Variants in QTMAN observed in about 807,000 individuals in gnomAD.
QTMAN encodes queuosine-tRNA mannosyltransferase.
the QTMAN span, among the ~76,000 whole-genome samples, chr2:144,272,912 G>A: frequency 2.1e-4 from 32 of 152,154 alleles, no homozygotes; most frequent in East Asian, 5.4e-3. Context: ...ACAGAAAGCC[G>A]CATATTTTTT....
At chr2:144,183,715 C>T in the QTMAN span, among the ~76,000 whole-genome samples, 1 of 152,140 alleles carries the variant, frequency 6.6e-6, no homozygotes, top group African/African-American at 2.4e-5. Context: ...AACTTTCTTA[C>T]ATTACATGGC....
chr2:144,228,583 A>G, the QTMAN span, among the ~76,000 whole-genome samples: 2 of 152,176 alleles, frequency 1.3e-5, no homozygotes, highest in Non-Finnish European at 2.9e-5. Flanking sequence ...GAATGGGGGG[A>G]GAGAAAACGG....
the QTMAN span, among the ~76,000 whole-genome samples, chr2:144,101,968 T>C: frequency 3.9e-5 from 6 of 152,220 alleles, no homozygotes; most frequent in African/African-American, 1.2e-4. Context: ...CTACCATATG[T>C]GAAGCACCTT....
chr2:144,115,385 C>T, the QTMAN span, among the ~76,000 whole-genome samples: 2 of 152,156 alleles, frequency 1.3e-5, no homozygotes, highest in African/African-American at 4.8e-5. Flanking sequence ...GAAAGTTGGC[C>T]AATCTTGATT....
At chr2:143,971,386 G>A in the QTMAN span, among the ~76,000 whole-genome samples, 1 of 152,108 alleles carries the variant, frequency 6.6e-6, no homozygotes, top group African/African-American at 2.4e-5. Flanking sequence ...ATTAACTTAG[G>A]AGTGGAGTTA....
chr2:144,187,345 C>G, the QTMAN span, among the ~76,000 whole-genome samples: 1 of 152,172 alleles, frequency 6.6e-6, no homozygotes, highest in African/African-American at 2.4e-5. Context: ...AGCATCCTGG[C>G]CTTTTAACAA....
At chr2:144,080,794 A>G in the QTMAN span, among the ~76,000 whole-genome samples, 2 of 152,312 alleles carry the variant, frequency 1.3e-5, no homozygotes, top group South Asian at 4.1e-4. Flanking sequence ...CTCTGAATAT[A>G]TATGTGTGAA....
chr2:144,283,506 T>C, the QTMAN span, among the ~76,000 whole-genome samples: 167 of 152,328 alleles, frequency 1.1e-3, 4 homozygotes, highest in East Asian at 0.028. Context: ...GTATTGTACT[T>C]TTCTGTGAAT....
At chr2:144,029,835 C>T in the QTMAN span, among the ~76,000 whole-genome samples, 1 of 151,764 alleles carries the variant, frequency 6.6e-6, no homozygotes, top group African/African-American at 2.4e-5. Flanking sequence ...ATATTATCTT[C>T]CTAATGTGTT....
chr2:144,303,170 T>C, the QTMAN span, among the ~76,000 whole-genome samples: 3 of 152,070 alleles, frequency 2.0e-5, no homozygotes, highest in African/African-American at 7.2e-5. Context: ...ATGGTGAAGC[T>C]TTTCACAGAG....
chr2:144,114,701 A>ACAAAG, the QTMAN span, among the ~76,000 whole-genome samples: 5 of 151,494 alleles, frequency 3.3e-5, no homozygotes, highest in Non-Finnish European at 5.9e-5. Flanking sequence ...ACAAAACAAA[A>ACAAAG]CAAAACAAAA....
the QTMAN span, among the ~76,000 whole-genome samples, chr2:144,268,158 C>T: frequency 3.3e-5 from 5 of 151,894 alleles, no homozygotes; most frequent in Admixed American, 3.3e-4. Context: ...CTATAAATTC[C>T]CCACAAGAAC....
At chr2:144,313,797 T>A in the QTMAN span, among the ~76,000 whole-genome samples, 8 of 151,504 alleles carry the variant, frequency 5.3e-5, no homozygotes, top group Admixed American at 5.2e-4. Context: ...TTTAAATAGA[T>A]ATATCTTTAA....
the QTMAN span, among the ~76,000 whole-genome samples, chr2:143,950,349 A>C: frequency 6.6e-6 from 1 of 151,858 alleles, no homozygotes; most frequent in South Asian, 2.1e-4. Flanking sequence ...TAAAATAAAT[A>C]ATTATAGCTA....
At chr2:143,951,232 G>C in the QTMAN span, among the ~76,000 whole-genome samples, 1 of 151,358 alleles carries the variant, frequency 6.6e-6, no homozygotes, top group Non-Finnish European at 1.5e-5. Flanking sequence ...AATATAAAAA[G>C]GTATATTACT....
At chr2:144,101,398 A>T in the QTMAN span, among the ~76,000 whole-genome samples, 15,516 of 147,332 alleles carry the variant, frequency 0.11, 1,202 homozygotes, top group East Asian at 0.25. Flanking sequence ...TCTCTCTCAC[A>T]CACACACACA....
the QTMAN span, among the ~76,000 whole-genome samples, chr2:144,291,512 T>C: frequency 6.6e-6 from 1 of 152,250 alleles, no homozygotes; most frequent in African/African-American, 2.4e-5. Context: ...TGTGCTCATA[T>C]GTTTAACCTG....
the QTMAN span, among the ~76,000 whole-genome samples, chr2:144,318,348 G>T: frequency 6.6e-6 from 1 of 152,096 alleles, no homozygotes; most frequent in South Asian, 2.1e-4. Context: ...CACAATAAAT[G>T]AATGATGGCA....
chr2:144,206,050 G>T, the QTMAN span, among the ~76,000 whole-genome samples: 1 of 152,154 alleles, frequency 6.6e-6, no homozygotes, highest in African/African-American at 2.4e-5. Flanking sequence ...GAATCAAACT[G>T]ATTAATTAGG....
Sources: allele counts gnomAD v4.1 joint callset (sites outside exome capture counted in the v4.1 genomes callset), GRCh38; gene constraint gnomAD v4.1.1; transcripts MANE v1.5; gene names NCBI Gene and HGNC (gene_info 2026-07-23, HGNC 2026-07-21).